The following MACROD2 variants were observed in gnomAD, a reference collection of about 807,000 sequenced individuals.
MACROD2 encodes the protein mono-ADP ribosylhydrolase 2.
Under a neutral mutation model 70.4 loss-of-function variants are expected in MACROD2, and 36 were observed. The observed-to-expected ratio is 0.51, with a 90% CI of 0.39 to 0.68. MACROD2 has a LOEUF of 0.68. Ranked by LOEUF, MACROD2 falls within the 30% of genes least tolerant of loss-of-function variation. The pLI is 0.00. For synonymous variants in MACROD2, 172 were observed against 178.8 expected, an observed-to-expected ratio of 0.96 and a Z score of 0.30; for missense variants, 496 against 538.4, an observed-to-expected ratio of 0.92 and a Z score of 0.78.
At chr20:15,705,292 T>G (rs952535841) in intron 8 of MACROD2, among the ~76,000 whole-genome samples, 1 of 152,148 alleles carries the variant, frequency 6.6e-6, no homozygotes, top group Non-Finnish European at 1.5e-5. Context: ...GAGAGAGGAT[T>G]CAGGTATTGG....
intron 3 of MACROD2, among the ~76,000 whole-genome samples, chr20:14,144,247 TATAG>T (rs1238884023): frequency 6.6e-6 from 1 of 152,196 alleles, no homozygotes; most frequent in East Asian, 1.9e-4. Flanking sequence ...TAAGTGGAAA[TATAG>T]ATATTACAAA....
chr20:14,076,300 A>G (rs1343281579), intron 2 of MACROD2, among the ~76,000 whole-genome samples: 1 of 152,156 alleles, frequency 6.6e-6, no homozygotes, highest in African/African-American at 2.4e-5. Context: ...GAACTCTTAT[A>G]TAAGTTAAAT....
chr20:15,527,008 C>CTT (rs1328247559), intron 8 of MACROD2, among the ~76,000 whole-genome samples: 13 of 152,150 alleles, frequency 8.5e-5, no homozygotes, highest in Non-Finnish European at 1.5e-5. Context: ...ATTTTGGTAA[C>CTT]AGTTGTCGTG....
Position 15,220,076 on chromosome 20 carries a change from T to C in MACROD2, c.419-9864T>C, listed in dbSNP as rs554368368. ...TGTGATAGTGTTAGAATCTTATTTT[T>C]AAATCTTCCATAGTGCAGTCATTAG... On this transcript the variant is annotated intron_variant, in intron 5 of 17. Transcript: ENST00000684519. Among the ~76,000 whole-genome samples, 3 of 152,234 alleles carry C rather than the reference T, an allele frequency of 2.0e-5. No homozygotes were observed. In the East Asian group the frequency reaches 5.8e-4, roughly 29 times the overall value.
At chr20:15,942,709 A>G (rs1049382199) in intron 12 of MACROD2, among the ~76,000 whole-genome samples, 2 of 152,218 alleles carry the variant, frequency 1.3e-5, no homozygotes, top group African/African-American at 2.4e-5. Context: ...TATTTAAGAT[A>G]TAGTCAACCT....
intron 4 of MACROD2, among the ~76,000 whole-genome samples, chr20:14,503,210 G>A (rs918008439): frequency 6.6e-6 from 1 of 152,222 alleles, no homozygotes; most frequent in South Asian, 2.1e-4. Flanking sequence ...GGAAAAAGAA[G>A]TAGGGAAAGA....
At chr20:15,381,870 G>A (rs1362241880) in intron 6 of MACROD2, among the ~76,000 whole-genome samples, 4 of 152,260 alleles carry the variant, frequency 2.6e-5, no homozygotes, top group African/African-American at 4.8e-5. Flanking sequence ...AGGCTGCCCA[G>A]ATGAGTAAAA....
chr20:14,002,105 C>T (rs1249561303), intron 1 of MACROD2, among the ~76,000 whole-genome samples, 183 bp from the exon 2 acceptor site: 1 of 151,856 alleles, frequency 6.6e-6, no homozygotes, highest in Non-Finnish European at 1.5e-5. Flanking sequence ...TTTTTTTCTC[C>T]CCTGGTAATA....
chr20:14,092,901 T>G (rs1184887896), intron 3 of MACROD2, among the ~76,000 whole-genome samples: 1 of 152,324 alleles, frequency 6.6e-6, no homozygotes, highest in East Asian at 1.9e-4. Flanking sequence ...TCTTCTGTGT[T>G]AAGCATTGAG....
At position 14,327,935 on chromosome 20, in the gene MACROD2, A is replaced by C. The variant is rs117497973; in HGVS notation, c.272-165544A>C. On this transcript the variant is annotated intron_variant, in intron 3 of 17. Coordinates refer to ENST00000684519, the MANE Select transcript of MACROD2 (RefSeq NM_001351661.2). Reference sequence around the variant, plus strand: ...TTCTTACTTAATATTCATAATAAGTAACACCTTGGAATATTATTTCTTATA... The same window carrying C: ...TTCTTACTTAATATTCATAATAAGTCACACCTTGGAATATTATTTCTTATA... 9.9e-4 allele frequency among the ~76,000 whole-genome samples: 151 copies of C among 152,256 alleles called. 3 individuals are homozygous for C. The East Asian group carries it at 0.027, about 27-fold the overall frequency.
chr20:15,727,079 A>G (rs1467134921), intron 8 of MACROD2, among the ~76,000 whole-genome samples: 1 of 152,068 alleles, frequency 6.6e-6, no homozygotes, highest in African/African-American at 2.4e-5. Context: ...GTCTTAATCC[A>G]TAATCCATAT....
chr20:14,756,284 G>A (rs1361482063), intron 5 of MACROD2, among the ~76,000 whole-genome samples: 2 of 151,734 alleles, frequency 1.3e-5, no homozygotes, highest in Non-Finnish European at 2.9e-5. Context: ...CCTTCTTCTG[G>A]TCTGAGCTTA....
At chr20:15,815,927 C>G (rs1057324801) in intron 8 of MACROD2, among the ~76,000 whole-genome samples, 2 of 151,942 alleles carry the variant, frequency 1.3e-5, no homozygotes, top group Non-Finnish European at 2.9e-5. Flanking sequence ...CAATTGTAAC[C>G]TGAATATCTG....
At chr20:15,379,932 C>T (rs1359112009) in intron 6 of MACROD2, among the ~76,000 whole-genome samples, 1 of 151,892 alleles carries the variant, frequency 6.6e-6, no homozygotes, top group African/African-American at 2.4e-5. Context: ...GTGAACCTAA[C>T]TTTCTGATTT....
At position 15,801,869 on chromosome 20, in the gene MACROD2, T is replaced by C. The variant is rs180803201; in HGVS notation, c.646-60876T>C. ...TTCCCTTTGATTGTGCCCCTTTCAT[T>C]TTCTTTCATTAGTGTTTTCTAGTTT... On this transcript the variant is annotated intron_variant, in intron 8 of 17. Transcript: ENST00000684519. Among the ~76,000 whole-genome samples the C allele has an allele frequency of 1.2e-3, 180 of 152,228 alleles. 5 individuals are homozygous for C. Among genetic ancestry groups the C allele is most frequent in the Middle Eastern group, 0.01 (3 of 294 alleles).
intron 5 of MACROD2, among the ~76,000 whole-genome samples, chr20:14,721,668 T>C (rs1445104713): frequency 6.6e-6 from 1 of 152,232 alleles, no homozygotes. Context: ...AGGTTTCTTC[T>C]GTATTGAAAA....
intron 3 of MACROD2, among the ~76,000 whole-genome samples, chr20:14,183,127 T>G (rs895238082): frequency 1.3e-5 from 2 of 150,164 alleles, no homozygotes; most frequent in Non-Finnish European, 3.0e-5. Context: ...CACCCGGGTA[T>G]TAAGCCTAGG....
chr20:15,042,226 G>A (rs1024848602), intron 5 of MACROD2, among the ~76,000 whole-genome samples: 1 of 152,074 alleles, frequency 6.6e-6, no homozygotes, highest in African/African-American at 2.4e-5. Context: ...GCTGATGACT[G>A]GAAAAGGGGA....
intron 4 of MACROD2, among the ~76,000 whole-genome samples, chr20:14,521,061 C>G (rs561543676): frequency 3.9e-4 from 59 of 152,320 alleles, no homozygotes; most frequent in Middle Eastern, 6.8e-3. Context: ...ATGATGCACT[C>G]CAAAGCACAG....
Sources: allele counts gnomAD v4.1 joint callset (sites outside exome capture counted in the v4.1 genomes callset), GRCh38; gene constraint gnomAD v4.1.1; transcripts MANE v1.5; gene names NCBI Gene and HGNC (gene_info 2026-07-23, HGNC 2026-07-21).